DPP10: variants seen among roughly 807,000 people sequenced by gnomAD.
DPP10 encodes inactive dipeptidyl peptidase 10.
Under a neutral mutation model 120.9 loss-of-function variants are expected in DPP10, and 33 were observed. The ratio of observed to expected loss-of-function variants is 0.27; its 90% CI spans 0.21 to 0.37. DPP10 has a LOEUF of 0.37. DPP10 is among the 10% of genes least tolerant of loss of function. The pLI, the probability that DPP10 is intolerant of heterozygous loss-of-function variation, is 1.00. For missense variants in DPP10, 816 were observed against 942.8 expected (o/e 0.87, Z 1.76); for synonymous variants, 337 against 326.1 (o/e 1.03, Z -0.36).
chr2:115,376,529 T>C (rs2065808654), intron 3 of DPP10, among the ~76,000 whole-genome samples: 1 of 151,286 alleles, frequency 6.6e-6, no homozygotes, highest in Non-Finnish European at 1.5e-5. Flanking sequence ...AATAGTCCCT[T>C]TCTTTTTTTT....
intron 1 of DPP10, chr2:115,161,989 C>T: frequency 7.2e-7 from 1 of 1,397,860 alleles, no homozygotes; most frequent in South Asian, 1.6e-5. Context: ...CGCAGCCCAC[C>T]CCGGGGGCCA....
chr2:114,842,626 G>A (rs1688248747), intron 1 of DPP10, among the ~76,000 whole-genome samples: 1 of 152,032 alleles, frequency 6.6e-6, no homozygotes. Flanking sequence ...TATATTTAGG[G>A]AAATGACATT....
At chr2:115,312,603 G>A (rs778976231) in intron 2 of DPP10, among the ~76,000 whole-genome samples, 3 of 152,080 alleles carry the variant, frequency 2.0e-5, no homozygotes, top group Non-Finnish European at 2.9e-5. Context: ...GGCTGTGTAC[G>A]TCTGTGGTCA....
intron 1 of DPP10, among the ~76,000 whole-genome samples, chr2:115,021,606 C>T (rs543328021): frequency 1.3e-5 from 2 of 152,176 alleles, no homozygotes; most frequent in Admixed American, 1.3e-4. Context: ...GGTACCAATG[C>T]TATGACACTA....
chr2:114,633,970 T>A (rs1695132435), intron 1 of DPP10, among the ~76,000 whole-genome samples: 1 of 151,950 alleles, frequency 6.6e-6, no homozygotes, highest in Non-Finnish European at 1.5e-5. Flanking sequence ...CCTAATTGTT[T>A]ATATGTGTGT....
rs557730877 is a variant in DPP10 at position 114,662,550 on chromosome 2, G to C, written c.60+219712G>C. ...GACAACGTCCAGAGACCCAGCCCCG[G>C]AAATGAAGAAAGACACTTCCGGTTC... On this transcript the variant is annotated intron_variant, in intron 1 of 25. Coordinates refer to ENST00000410059, the MANE Select transcript of DPP10 (RefSeq NM_020868.6). 3.7e-4 allele frequency among the ~76,000 whole-genome samples: 56 copies of C among 152,248 alleles called. No individual in the cohort carries two copies. The Middle Eastern group carries it at 0.014, about 37-fold the overall frequency.
intron 1 of DPP10, among the ~76,000 whole-genome samples, chr2:114,624,048 G>C (rs985762383): frequency 6.6e-6 from 1 of 152,020 alleles, no homozygotes; most frequent in Non-Finnish European, 1.5e-5. Flanking sequence ...ACAGTGACTG[G>C]AGCTTGACAA....
At chr2:115,391,329 C>CA (rs2067300153) in intron 3 of DPP10, among the ~76,000 whole-genome samples, 1 of 152,110 alleles carries the variant, frequency 6.6e-6, no homozygotes, top group African/African-American at 2.4e-5. Context: ...ATTGTGTAAG[C>CA]AGTATAGCAC....
intron 3 of DPP10, among the ~76,000 whole-genome samples, chr2:115,407,045 G>A (rs1300670349): frequency 1.3e-5 from 2 of 152,146 alleles, no homozygotes; most frequent in South Asian, 2.1e-4. Flanking sequence ...TCAGCAAAGC[G>A]AGAGGGGTTC....
At chr2:115,263,174 G>A (rs1380468347) in intron 1 of DPP10, among the ~76,000 whole-genome samples, 1 of 152,120 alleles carries the variant, frequency 6.6e-6, no homozygotes, top group Non-Finnish European at 1.5e-5. Flanking sequence ...GGTCAAATTA[G>A]GATCACAAAC....
At chr2:114,676,774 T>TATGTATTAATATG (rs1258126229) in intron 1 of DPP10, among the ~76,000 whole-genome samples, 17 of 152,114 alleles carry the variant, frequency 1.1e-4, no homozygotes, top group African/African-American at 4.1e-4. Flanking sequence ...TATATATGTG[T>TATGTATTAATATG]ATGTATTAAT....
chr2:115,066,699 A>AT (rs1281802116), intron 1 of DPP10: 3 of 152,194 alleles, frequency 2.0e-5, no homozygotes, highest in African/African-American at 4.8e-5. Flanking sequence ...TGTATTAGGC[A>AT]TTAAAAGGAT....
At chr2:115,433,480 A>C (rs929724229) in intron 3 of DPP10, among the ~76,000 whole-genome samples, 3 of 152,012 alleles carry the variant, frequency 2.0e-5, no homozygotes, top group Admixed American at 6.6e-5. Context: ...TATACATATA[A>C]AATCAAAGGC....
intron 1 of DPP10, among the ~76,000 whole-genome samples, chr2:114,490,280 A>G (rs1430634398): frequency 1.3e-5 from 2 of 152,102 alleles, no homozygotes; most frequent in Non-Finnish European, 2.9e-5. Flanking sequence ...TGAGCTTTCT[A>G]TTGGTGGTTG....
At chr2:114,926,320 G>A (rs956975453) in intron 1 of DPP10, among the ~76,000 whole-genome samples, 6 of 152,162 alleles carry the variant, frequency 3.9e-5, no homozygotes, top group East Asian at 1.9e-4. Flanking sequence ...TCACCACTGC[G>A]AGCTATTCTT....
At chr2:115,558,823 A>G (rs116337448) in intron 5 of DPP10, among the ~76,000 whole-genome samples, 1,795 of 152,298 alleles carry the variant, frequency 0.012, 20 homozygotes, top group African/African-American at 0.039. Flanking sequence ...ACTTGTAGGC[A>G]TTTGGAGGGC....
intron 1 of DPP10, among the ~76,000 whole-genome samples, chr2:114,918,397 A>G (rs762754622): frequency 5.9e-5 from 9 of 152,180 alleles, no homozygotes; most frequent in South Asian, 2.1e-4. Flanking sequence ...GGATATTCTC[A>G]TAGAAATGAA....
chr2:115,361,031 C>T (rs921227995), intron 3 of DPP10, among the ~76,000 whole-genome samples: 1 of 152,126 alleles, frequency 6.6e-6, no homozygotes, highest in Admixed American at 6.5e-5. Context: ...AGTTTTGTCC[C>T]AAGCCTTTTG....
rs1013717611 is a variant in DPP10, at chr2:115,332,958, G to A, written c.176-10859G>A. On this transcript the variant is annotated intron_variant, in intron 2 of 25. Transcript: ENST00000410059. Reference sequence around the variant, plus strand: ...TTAGGTCCACTTGGTGCAGTGCTGCGTTCAATTCCTGGATGTCCTTTTTAA... The same window carrying A: ...TTAGGTCCACTTGGTGCAGTGCTGCATTCAATTCCTGGATGTCCTTTTTAA... Among the ~76,000 whole-genome samples the A allele has an allele frequency of 3.9e-5, 6 of 152,054 alleles. No individual in the cohort carries two copies. The South Asian group carries it at 6.2e-4, about 16-fold the overall frequency.
Sources: gnomAD v4.1 joint callset for allele counts (sites outside exome capture counted in the v4.1 genomes callset) on GRCh38, gnomAD v4.1.1 for gene constraint, MANE v1.5 for transcripts, NCBI Gene and HGNC (gene_info 2026-07-23, HGNC 2026-07-21) for gene names.